Variants in SETX observed in about 807,000 individuals in gnomAD.
SETX encodes senataxin.
Under a neutral mutation model 227.2 loss-of-function variants are expected in SETX, and 90 were observed. That is an observed-to-expected ratio of 0.40 (90% CI 0.33 to 0.47). The LOEUF (loss-of-function observed/expected upper bound fraction) is 0.47, where lower values mean the gene tolerates loss of function less well. SETX is among the 20% of genes least tolerant of loss of function. SETX has a pLI of 0.91. For synonymous variants in SETX, 1,210 were observed against 1,113.2 expected, an observed-to-expected ratio of 1.09 and a Z score of -1.73; for missense variants, 3,052 against 3,181.5, an observed-to-expected ratio of 0.96 and a Z score of 0.98.
intron 14 of SETX, 123 bp from the exon 15 acceptor site, chr9:132,296,151 A>C: frequency 8.1e-7 from 1 of 1,228,542 alleles, no homozygotes; most frequent in Non-Finnish European, 1.2e-6. Context: ...ATAAAGTTAA[A>C]AATAAATAAA....
intron 25 of SETX, among the ~76,000 whole-genome samples, chr9:132,265,225 T>G (rs35067996): frequency 1.8e-4 from 9 of 49,622 alleles, no homozygotes; most frequent in African/African-American, 6.1e-4. Context: ...TCAACTTTTG[T>G]TTTTTTTTTT....
chr9:132,277,109 G>A lies in SETX; in HGVS notation c.6886C>T (p.Pro2296Ser), dbSNP rs1270509369. 1.2e-6 allele frequency: 2 copies of A among 1,613,696 alleles called. No homozygotes were observed. Among genetic ancestry groups the A allele is most frequent in the Admixed American group, 3.3e-5 (2 of 59,998 alleles). The change falls in exon 22 of 26, where the codon CCA becomes TCA. Residue 2296 changes from proline to serine, a missense_variant. By Grantham distance (74) the Pro-to-Ser change is moderately conservative (BLOSUM62 -1). Coordinates refer to ENST00000224140, the MANE Select transcript of SETX (RefSeq NM_015046.7). ...TCTCCAACATCAAACACAAGGTATG[G>A]CTGAAATGGCCAATCTGATGAACAT... is the stretch of plus-strand genomic sequence containing the variant. ...IRCSSDWPFQ[P>S]YLVFDVGDGS...
At chr9:132,285,887 A>AG (rs1459683454) in intron 18 of SETX, among the ~76,000 whole-genome samples, 3 of 149,408 alleles carry the variant, frequency 2.0e-5, no homozygotes, top group Non-Finnish European at 4.4e-5. Flanking sequence ...TCAAAAAAAA[A>AG]AAAACACAAA....
chr9:132,317,385 A>G (rs1028610828), intron 10 of SETX, among the ~76,000 whole-genome samples: 4 of 152,172 alleles, frequency 2.6e-5, no homozygotes, highest in Admixed American at 6.5e-5. Context: ...CATTTTAATG[A>G]ACTGTATCAC....
At position 132,328,590 on chromosome 9, in the gene SETX, T is replaced by C. The variant is rs751831606; in HGVS notation, c.3008A>G (p.Asn1003Ser). Residue 1003 changes from asparagine (N) to serine (S), a missense_variant, in exon 10 of 26, where the codon AAT (asparagine) becomes AGT (serine). By Grantham distance (46) the Asn-to-Ser change is conservative. Coordinates refer to ENST00000224140, the MANE Select transcript of SETX (RefSeq NM_015046.7). The part of the protein sequence containing the change: ...EDKRCFTANQ[N>S]NVGDTSRGQV... ...TCCACGGGAGGTATCTCCAACATTA[T>C]TTTGGTTAGCTGTGAAACATCTTTT... 4.3e-6 allele frequency: 7 copies of C among 1,613,912 alleles called. No individual in the cohort carries two copies. The Admixed American group carries it at 1.2e-4, about 27-fold the overall frequency.
Position 132,327,114 on chromosome 9 carries a change from T to G in SETX, c.4484A>C (p.Asn1495Thr), listed in dbSNP as rs1846845917. Reference protein sequence around the residue: ...PDSSSDAEEDNLFLTQNDPED... With the variant: ...PDSSSDAEEDTLFLTQNDPED... ...AGGATCATTTTGGGTTAAAAATAAG[T>G]TATCTTCCTCTGCATCACTGCTGGA... The change falls in exon 10 of 26, where the codon AAC (asparagine) becomes ACC (threonine). Residue 1495 changes from asparagine (N) to threonine (T), a missense_variant. Asn to Thr is a moderately conservative substitution (Grantham distance 65). This residue lies in a region of SETX where 1,483 missense variants were observed against 1,312.0 expected (regional missense o/e 1.13). Coordinates refer to ENST00000224140, the MANE Select transcript of SETX (RefSeq NM_015046.7). 3 of 1,614,222 alleles carry G rather than the reference T, an allele frequency of 1.9e-6. No homozygotes were observed. The highest frequency in any genetic ancestry group is 2.5e-6 in the Non-Finnish European group (3 of 1,180,048).
chr9:132,325,552 G>A (rs749648932), intron 10 of SETX, among the ~76,000 whole-genome samples: 5 of 152,122 alleles, frequency 3.3e-5, no homozygotes, highest in Admixed American at 6.5e-5. Context: ...TCCTTTACCC[G>A]TGCGTCAATA....
At chr9:132,347,585 C>T (rs1224786420) in intron 3 of SETX, among the ~76,000 whole-genome samples, 1 of 151,688 alleles carries the variant, frequency 6.6e-6, no homozygotes, top group Non-Finnish European at 1.5e-5. Flanking sequence ...GCTGGGATTA[C>T]AGGTGTAAGC....
In SETX at chr9:132,327,148, C is replaced by T. The variant is rs1192960847; in HGVS notation, c.4450G>A (p.Glu1484Lys). ...TCTGCATCACTGCTGGAGTCAGGCT[C>T]TCCTTCTTTCAAAGCTGCCATCTCT... ...HIEMAALKEG[E>K]PDSSSDAEED... The change falls in exon 10 of 26, where the codon GAG becomes AAG. Residue 1484 changes from glutamate (E) to lysine (K), a missense_variant. Glu to Lys is a moderately conservative substitution (Grantham distance 56). Coordinates refer to ENST00000224140, the MANE Select transcript of SETX (RefSeq NM_015046.7). The T allele has an allele frequency of 8.1e-6, 13 of 1,614,200 alleles. No homozygotes were observed. Among genetic ancestry groups the T allele is most frequent in the Non-Finnish European group, 1.1e-5 (13 of 1,180,036 alleles).
At chr9:132,295,647 G>T (rs1844623567) in intron 15 of SETX, among the ~76,000 whole-genome samples, 1 of 152,174 alleles carries the variant, frequency 6.6e-6, no homozygotes, top group Non-Finnish European at 1.5e-5. Context: ...TTCCTCACTA[G>T]GCCGTGTGTC....
chr9:132,277,227 T>A, intron 21 of SETX, 75 bp from the exon 22 acceptor site: 1 of 1,370,320 alleles, frequency 7.3e-7, no homozygotes, highest in Non-Finnish European at 1.0e-6. Flanking sequence ...TTACTACAAT[T>A]TTTTCTGTGT....
chr9:132,300,849 T>TCCG, intron 11 of SETX, 46 bp from the exon 12 acceptor site: 1 of 1,505,202 alleles, frequency 6.6e-7, no homozygotes, highest in Non-Finnish European at 9.0e-7. Context: ...CTAATAGAAT[T>TCCG]ATTTTAAATA....
At chr9:132,331,179 G>T in intron 8 of SETX, 40 bp from the exon 9 acceptor site, 1 of 1,607,056 alleles carries the variant, frequency 6.2e-7, no homozygotes, top group South Asian at 1.1e-5. Flanking sequence ...TGAAACGAAG[G>T]GGGAAAAAAA....
At chr9:132,296,373 C>T (rs1470373520) in intron 14 of SETX, among the ~76,000 whole-genome samples, 5 of 151,918 alleles carry the variant, frequency 3.3e-5, no homozygotes, top group African/African-American at 4.8e-5. Flanking sequence ...GCCAACATGG[C>T]GAAACCCCAT....
In SETX at chr9:132,262,567, G is replaced by A. The variant is rs1842453069; in HGVS notation, c.*1672C>T. On this transcript the variant is annotated 3_prime_UTR_variant, in exon 26 of 26. Transcript: ENST00000224140. ...AAGACAAACTCTCCACCCCCACAGA[G>A]GAAGCAGTGGCTGACTCTGGGGACA... 6.6e-6 allele frequency: 1 copy of A among 152,568 alleles called. No homozygotes were observed. Among genetic ancestry groups the A allele is most frequent in the Admixed American group, 6.5e-5 (1 of 15,270 alleles). The allele number at this position is 152,568 out of a possible 1,614,324, so 9.5% of individuals were successfully genotyped here. A position where few individuals can be genotyped will look rare whatever the true frequency, so the allele number is the denominator to read the frequency against.
At position 132,271,734 on chromosome 9, in the gene SETX, GCT is replaced by G. The variant is rs1242144175; in HGVS notation, c.7173_7174del (p.Arg2391SerfsTer3). The G allele has an allele frequency of 6.2e-7, 1 of 1,613,772 alleles. No individual in the cohort carries two copies. The highest frequency in any genetic ancestry group is 1.1e-5 in the South Asian group (1 of 91,084). ...CCCAATTGAACCTTGGATGCTATTT[GCT>G]CTGACACACGTAACAATAACACAAT... On this transcript the variant is annotated frameshift_variant, in exon 24 of 26. Coordinates refer to ENST00000224140, the MANE Select transcript of SETX (RefSeq NM_015046.7). LOFTEE classifies it high-confidence loss of function.
chr9:132,293,397 C>G (rs1388539215), intron 15 of SETX, among the ~76,000 whole-genome samples: 1 of 152,088 alleles, frequency 6.6e-6, no homozygotes, highest in African/African-American at 2.4e-5. Context: ...GGTCTCTGTA[C>G]TCAGAGAGGA....
intron 7 of SETX, 121 bp from the exon 8 acceptor site, chr9:132,331,569 A>T: frequency 9.2e-7 from 1 of 1,087,676 alleles, no homozygotes; most frequent in Non-Finnish European, 1.4e-6. Context: ...GCCAAGGAGC[A>T]AATAATTTAA....
At chr9:132,340,635 G>A (rs1403966575) in intron 5 of SETX, among the ~76,000 whole-genome samples, 2 of 152,180 alleles carry the variant, frequency 1.3e-5, no homozygotes, top group Non-Finnish European at 2.9e-5. Context: ...GACACTACTG[G>A]GCTGTAATCC....
Sources: gnomAD v4.1 joint callset for allele counts (sites outside exome capture counted in the v4.1 genomes callset) on GRCh38, gnomAD v4.1.1 for gene constraint, gnomAD v4.1.1 regional missense constraint, MANE v1.5 for transcripts, NCBI Gene and HGNC (gene_info 2026-07-23, HGNC 2026-07-21) for gene names.